Variants in NUSAP1 observed in about 807,000 individuals in gnomAD.
NUSAP1 encodes nucleolar and spindle-associated protein 1.
In NUSAP1, 32 loss-of-function variants were observed where a neutral mutation model predicts 52.8. That is an observed-to-expected ratio of 0.61 (90% confidence interval 0.46 to 0.81). NUSAP1 has a LOEUF of 0.81. Ranked by LOEUF, NUSAP1 falls within the 40% of genes least tolerant of loss-of-function variation. NUSAP1 has a pLI of 0.00. For missense variants in NUSAP1, 499 were observed against 522.3 expected, an observed-to-expected ratio of 0.96 and a Z score of 0.43; for synonymous variants, 195 against 183.1, an observed-to-expected ratio of 1.06 and a Z score of -0.52.
intron 10 of NUSAP1, among the ~76,000 whole-genome samples, chr15:41,378,950 T>TC: frequency 1.0e-5 from 1 of 100,338 alleles, no homozygotes; most frequent in Non-Finnish European, 2.0e-5. Flanking sequence ...CTTGGTTTTT[T>TC]TTTTTTTTTT....
intron 2 of NUSAP1, 64 bp downstream of exon 2, chr15:41,342,518 A>G: frequency 8.6e-7 from 1 of 1,166,940 alleles, no homozygotes; most frequent in South Asian, 1.3e-5. Context: ...TTAATGGGCA[A>G]TTAACACACA....
Position 41,370,405 on chromosome 15 carries a change from C to T in NUSAP1, c.849-1122C>T, listed in dbSNP as rs141219571. ...TCCAAATGGGTGAATGGTTGAAGCC[C>T]AGGAGTTTGAGAGCAGCCTGGCCAA... On this transcript the variant is annotated intron_variant, in intron 7 of 10. Transcript: ENST00000559596. Among the ~76,000 whole-genome samples, 502 of 150,738 alleles carry T rather than the reference C, an allele frequency of 3.3e-3. 3 individuals are homozygous for T. The highest frequency in any genetic ancestry group is 0.012 in the African/African-American group (474 of 41,014).
chr15:41,333,950 A>G (rs59000092), intron 1 of NUSAP1, among the ~76,000 whole-genome samples: 44,643 of 152,090 alleles, frequency 0.29, 7,086 homozygotes, highest in African/African-American at 0.4. Flanking sequence ...AAGATGTTAG[A>G]AGAAGATTTG....
At position 41,356,123 on chromosome 15, in the gene NUSAP1, C is replaced by T. The variant is rs1437708319; in HGVS notation, c.533C>T (p.Thr178Ile). 6.3e-7 allele frequency: 1 copy of T among 1,597,380 alleles called. No homozygotes were observed. ...TCCAAACCTGGAAAAAATAAAAGAA[C>T]TGCAATCACTACTCCAAGTAAGTTT... ...ESSKPGKNKRTAITTPNFKKL... is the reference protein window; with the variant it reads ...ESSKPGKNKRIAITTPNFKKL... The change falls in exon 5 of 11, where the codon ACT becomes ATT. Residue 178 changes from threonine to isoleucine, a missense_variant. Transcript: ENST00000559596.
intron 7 of NUSAP1, among the ~76,000 whole-genome samples, chr15:41,367,228 G>A (rs1402010669): frequency 6.6e-6 from 1 of 152,190 alleles, no homozygotes; most frequent in Non-Finnish European, 1.5e-5. Context: ...CTGCAGGGGT[G>A]AGGCATCTCA....
intron 1 of NUSAP1, among the ~76,000 whole-genome samples, chr15:41,336,096 C>T (rs1292931524): frequency 6.6e-6 from 1 of 150,750 alleles, no homozygotes; most frequent in Non-Finnish European, 1.5e-5. Context: ...CCCATCTATA[C>T]TAAAAATACA....
chr15:41,344,190 G>A (rs2048469690), intron 2 of NUSAP1: 1 of 147,540 alleles, frequency 6.8e-6, no homozygotes, highest in Admixed American at 6.8e-5. Flanking sequence ...CTCCACCCTG[G>A]GAGACAGAAT....
At chr15:41,362,380 G>T (rs2049209363) in intron 6 of NUSAP1, among the ~76,000 whole-genome samples, 1 of 148,476 alleles carries the variant, frequency 6.7e-6, no homozygotes, top group African/African-American at 2.5e-5. Context: ...TATATTAATG[G>T]TATATATTAT....
chr15:41,350,973 T>A lies in NUSAP1; in HGVS notation c.307-15T>A. 6.3e-7 allele frequency: 1 copy of A among 1,591,302 alleles called. No individual in the cohort carries two copies. The highest frequency in any genetic ancestry group is 1.1e-5 in the South Asian group (1 of 88,138). ...TTTATCATCGAAATCTTTTATTTCC[T>A]TTTTAAATTTGTAGCAGAATCATTC... On this transcript the variant is annotated splice_polypyrimidine_tract_variant and intron_variant, in intron 3 of 10. Transcript: ENST00000559596.
At chr15:41,373,271 G>A (rs906697963) in intron 8 of NUSAP1, among the ~76,000 whole-genome samples, 3 of 151,686 alleles carry the variant, frequency 2.0e-5, no homozygotes, top group African/African-American at 4.8e-5. Context: ...GCACGCGCCT[G>A]TAATCCCAGC....
intron 3 of NUSAP1, 83 bp downstream of exon 3, chr15:41,349,324 A>T (rs1034544101): frequency 7.7e-7 from 1 of 1,302,972 alleles, no homozygotes; most frequent in African/African-American, 1.5e-5. Flanking sequence ...TTAAATTCCC[A>T]TGTGATGTCA....
intron 4 of NUSAP1, among the ~76,000 whole-genome samples, chr15:41,354,862 C>CA (rs1053490260): frequency 1.0e-4 from 15 of 149,204 alleles, no homozygotes; most frequent in African/African-American, 1.7e-4. Flanking sequence ...ACTAAAAATA[C>CA]AAAAAAAATT....
intron 6 of NUSAP1, among the ~76,000 whole-genome samples, chr15:41,360,437 C>T (rs2049128590): frequency 6.6e-6 from 1 of 152,162 alleles, no homozygotes; most frequent in Admixed American, 6.6e-5. Context: ...CTGCCTCAGC[C>T]TCCTGAGTAG....
At chr15:41,371,016 A>G (rs1290178911) in intron 7 of NUSAP1, among the ~76,000 whole-genome samples, 1 of 152,240 alleles carries the variant, frequency 6.6e-6, no homozygotes, top group Non-Finnish European at 1.5e-5. Context: ...AAATACTATC[A>G]GTCAATCAAT....
intron 5 of NUSAP1, among the ~76,000 whole-genome samples, chr15:41,356,847 G>A (rs759653201): frequency 6.6e-6 from 1 of 152,140 alleles, no homozygotes; most frequent in Non-Finnish European, 1.5e-5. Flanking sequence ...TTTTGGGCAT[G>A]TAAGTCTTCT....
chr15:41,358,367 TG>T (rs1447917928), intron 6 of NUSAP1, 109 bp downstream of exon 6: 1 of 611,784 alleles, frequency 1.6e-6, no homozygotes, highest in African/African-American at 1.9e-5. Context: ...CCAGTAGATT[TG>T]TTTGAATTTA....
At position 41,365,406 on chromosome 15, in the gene NUSAP1, A is replaced by G; in HGVS notation, c.665A>G (p.Gln222Arg). Residue 222 changes from glutamine to arginine, a missense_variant, in exon 7 of 11, where the codon CAG (glutamine) becomes CGG (arginine). Transcript: ENST00000559596. ...EHNSMNELKQ[Q>R]PINKGGVRTP... is the part of the protein sequence containing the mutation. ...AATGATGCATTTTCTCTTCAGCAGC[A>G]GCCCATCAATAAGGGAGGGGTCAGG... 6.2e-7 allele frequency: 1 copy of G among 1,603,902 alleles called. No homozygotes were observed. Among genetic ancestry groups the G allele is most frequent in the Non-Finnish European group, 8.5e-7 (1 of 1,173,524 alleles).
At position 41,375,875 on chromosome 15, in the gene NUSAP1, T is replaced by C. The variant is rs368933381; in HGVS notation, c.1123+47T>C. 4.5e-6 allele frequency: 6 copies of C among 1,340,518 alleles called. No homozygotes were observed. In the African/African-American group the frequency reaches 8.6e-5, roughly 19 times the overall value. 83.0% of individuals were successfully genotyped at this position (1,340,518 alleles called of 1,614,324 possible). ...TACAGGGCCTGTAAAATACTTAAGA[T>C]TGGTGGGACGCAGTGGCTCACACCT... On this transcript the variant is annotated intron_variant, in intron 9 of 10. Transcript: ENST00000559596.
intron 2 of NUSAP1, 139 bp downstream of exon 2, chr15:41,342,593 T>C: frequency 1.6e-6 from 1 of 635,900 alleles, no homozygotes. Flanking sequence ...CTCCTAGCAC[T>C]TTGGTAGGCA....
Sources: allele counts gnomAD v4.1 joint callset (sites outside exome capture counted in the v4.1 genomes callset), GRCh38; gene constraint gnomAD v4.1.1; transcripts MANE v1.5; gene names NCBI Gene and HGNC (gene_info 2026-07-23, HGNC 2026-07-21).